DVL1: variants seen among roughly 807,000 people sequenced by gnomAD.
The protein encoded by DVL1 is segment polarity protein dishevelled homolog DVL-1.
DVL1 carries 49 observed loss-of-function variants against 65.0 expected under a neutral mutation model. The observed-to-expected ratio is 0.75, with a 90% CI of 0.60 to 0.96. DVL1 has a LOEUF of 0.96. DVL1 is among the 40% of genes least tolerant of loss of function. DVL1 has a pLI of 0.00. For missense variants in DVL1, 1,197 were observed against 1,045.4 expected (o/e 1.15, Z -2.00); for synonymous variants, 608 against 433.9 (o/e 1.40, Z -4.99).
chr1:1,337,907 G>A (rs1292154337), intron 14 of DVL1, 70 bp downstream of exon 14: 7 of 1,257,546 alleles, frequency 5.6e-6, no homozygotes, highest in Middle Eastern at 2.5e-4. Flanking sequence ...AACTGGGGGC[G>A]GAGCAGCAGT....
chr1:1,338,541 G>A lies in DVL1; in HGVS notation c.1320C>T (p.Thr440=), dbSNP rs144876679. 2 of 1,612,496 alleles carry A rather than the reference G, an allele frequency of 1.2e-6. No individual in the cohort carries two copies. Among genetic ancestry groups the A allele is most frequent in the African/African-American group, 1.3e-5 (1 of 74,926 alleles). The change falls in exon 12 of 15, where the codon ACC becomes ACT. Residue 440 remains threonine (T), a synonymous_variant. Transcript: ENST00000378888. ...ACTCACCGATGACGGCATTGGCGATGGTGATCTTGAGCCACATGCGGTCGC... is the reference window on the plus strand; with the variant it reads ...ACTCACCGATGACGGCATTGGCGATAGTGATCTTGAGCCACATGCGGTCGC... ...EIRDRMWLKI[T]IANAVIGADV...
intron 4 of DVL1, 74 bp downstream of exon 4, chr1:1,341,979 T>A: frequency 6.8e-7 from 1 of 1,469,412 alleles, no homozygotes; most frequent in East Asian, 2.5e-5. Context: ...CAGGAACTGC[T>A]GTAGTAGGAA....
rs766134166 is a variant in DVL1 at position 1,341,565 on chromosome 1, C to G, written c.605+102G>C. Reference sequence around the variant, plus strand: ...GCACACACATGCACACACACGCACACACGTGCAATGTGAAAACACCTCATG... The same window carrying G: ...GCACACACATGCACACACACGCACAGACGTGCAATGTGAAAACACCTCATG... On this transcript the variant is annotated intron_variant, in intron 5 of 14. Coordinates refer to ENST00000378888, the MANE Select transcript of DVL1 (RefSeq NM_001330311.2). 664 of 1,409,872 alleles carry G rather than the reference C, an allele frequency of 4.7e-4. 2 individuals carry two copies. Among genetic ancestry groups the G allele is most frequent in the Non-Finnish European group, 6.2e-4 (652 of 1,044,190 alleles). The allele number at this position is 1,409,872 out of a possible 1,614,324, so 87.3% of individuals were successfully genotyped here. A position where few individuals can be genotyped will look rare whatever the true frequency, so the allele number is the denominator to read the frequency against.
rs1256071019 is a variant in DVL1 at position 1,338,063 on chromosome 1, G to A, written c.1628C>T (p.Pro543Leu). The A allele has an allele frequency of 1.8e-5, 29 of 1,611,000 alleles. No homozygotes were observed. Among genetic ancestry groups the A allele is most frequent in the Middle Eastern group, 1.7e-4 (1 of 6,010 alleles). Residue 543 changes from proline to leucine, a missense_variant, in exon 14 of 15, where the codon CCG (proline) becomes CTG (leucine). By Grantham distance (98) the Pro-to-Leu change is moderately conservative. Transcript: ENST00000378888. ...PLGQGYPYQY[P>L]GPPPCFPPAY... ...AGGCGGGAAGCAGGGTGGGGGTCCCGGGTACTGGTAGGGGTAGCCCTGACC... is the reference window on the plus strand; with the variant it reads ...AGGCGGGAAGCAGGGTGGGGGTCCCAGGTACTGGTAGGGGTAGCCCTGACC...
intron 10 of DVL1, 44 bp downstream of exon 10, chr1:1,339,538 C>A: frequency 6.4e-7 from 1 of 1,566,782 alleles, no homozygotes; most frequent in Non-Finnish European, 8.6e-7. Flanking sequence ...GCTAGGTAGG[C>A]GCCCCCTCCC....
chr1:1,342,790 T>TG lies in DVL1; in HGVS notation c.171-33dup, dbSNP rs368982471. The stretch of plus-strand genomic sequence containing the variant: ...GCATATGCTGCCGTGAGGCCCCACC[T>TG]GGGGGGCCCAACCCTGCGGTTCTAG... On this transcript the variant is annotated intron_variant, in intron 1 of 14. Coordinates refer to ENST00000378888, the MANE Select transcript of DVL1 (RefSeq NM_001330311.2). 3.7e-6 allele frequency: 6 copies of TG among 1,607,290 alleles called. No individual in the cohort carries two copies. In the African/African-American group the frequency reaches 5.3e-5, roughly 14 times the overall value.
At chr1:1,341,192 C>T (rs1193316671) in intron 5 of DVL1, among the ~76,000 whole-genome samples, 3 of 151,268 alleles carry the variant, frequency 2.0e-5, no homozygotes, top group African/African-American at 7.3e-5. Context: ...CGCACATCTG[C>T]ACACGCACAC....
intron 5 of DVL1, among the ~76,000 whole-genome samples, chr1:1,341,288 C>G (rs147339132): frequency 6.6e-6 from 1 of 151,728 alleles, no homozygotes; most frequent in Non-Finnish European, 1.5e-5. Context: ...TGAAAACGCA[C>G]CTCACACACA....
rs1284652700 is a variant in DVL1 at position 1,339,663 on chromosome 1, G to C, written c.987-14C>G. On this transcript the variant is annotated splice_polypyrimidine_tract_variant and intron_variant, in intron 9 of 14. Transcript: ENST00000378888. The stretch of plus-strand genomic sequence containing the variant: ...AGGCTGATGGGCCTGCAGGAACGGT[G>C]GTCACACAGCAAGGCCCCCATGGTC... 6.2e-7 allele frequency: 1 copy of C among 1,611,734 alleles called. No homozygotes were observed. The highest frequency in any genetic ancestry group is 1.7e-5 in the Admixed American group (1 of 59,940).
intron 11 of DVL1, 70 bp downstream of exon 11, chr1:1,339,217 G>A: frequency 1.3e-6 from 2 of 1,529,924 alleles, no homozygotes; most frequent in Non-Finnish European, 1.8e-6. Flanking sequence ...AGGCGGCCAT[G>A]CTGGAGGCTG....
At chr1:1,341,141 GCA>G (rs1431404993) in intron 5 of DVL1, among the ~76,000 whole-genome samples, 1 of 139,960 alleles carries the variant, frequency 7.1e-6, no homozygotes, top group East Asian at 2.2e-4. Context: ...ACACCTGCAC[GCA>G]CACCTTCACA....
intron 14 of DVL1, chr1:1,336,904 G>A: frequency 1.3e-6 from 1 of 799,402 alleles, no homozygotes; most frequent in South Asian, 5.4e-5. Flanking sequence ...CCAGGACCCT[G>A]GCCGACGGAT....
At chr1:1,339,964 A>T in intron 8 of DVL1, 74 bp downstream of exon 8, 1 of 1,515,414 alleles carries the variant, frequency 6.6e-7, no homozygotes. Context: ...ACCCACCCGC[A>T]GCCGCACGTC....
At chr1:1,340,571 C>G in intron 5 of DVL1, 68 bp from the exon 6 acceptor site, 8 of 1,491,536 alleles carry the variant, frequency 5.4e-6, no homozygotes, top group Non-Finnish European at 7.3e-6. Flanking sequence ...CCCGCTCCCC[C>G]AATACTGAGT....
chr1:1,342,197 C>T, intron 3 of DVL1, 41 bp from the exon 4 acceptor site: 1 of 1,523,902 alleles, frequency 6.6e-7, no homozygotes, highest in Non-Finnish European at 8.8e-7. Flanking sequence ...GCCGTGGCCC[C>T]AGCCCCTCAG....
At chr1:1,343,267 C>T (rs574483420) in intron 1 of DVL1, among the ~76,000 whole-genome samples, 26 of 151,698 alleles carry the variant, frequency 1.7e-4, no homozygotes, top group Non-Finnish European at 8.8e-5. Flanking sequence ...GCCCCCCCCC[C>T]CCAGGGCTTC....
chr1:1,349,018 C>T lies in DVL1; in HGVS notation c.48G>A (p.Pro16=). ...IIYHMDEEET[P]YLVKLPVAPE... ...GGGCCACGGGCAGCTTGACCAGGTA[C>T]GGCGTCTCCTCCTCGTCCATGTGGT... The change falls in exon 1 of 15, where the codon CCG becomes CCA. Residue 16 remains proline, a synonymous_variant. Transcript: ENST00000378888. This position sits in a 1 kb window ranked among gnomAD's most constrained non-coding sequence, Gnocchi z 4.1. 7 of 1,569,160 alleles carry T rather than the reference C, an allele frequency of 4.5e-6. No homozygotes were observed. The highest frequency in any genetic ancestry group is 6.1e-6 in the Non-Finnish European group (7 of 1,155,054).
chr1:1,338,629 A>ACCGTCAGCGGCG lies in DVL1; in HGVS notation c.1220_1231dup (p.Ala407_Thr410dup), dbSNP rs1553173671. 6.2e-7 allele frequency: 1 copy of ACCGTCAGCGGCG among 1,611,014 alleles called. No homozygotes were observed. The highest frequency in any genetic ancestry group is 8.5e-7 in the Non-Finnish European group (1 of 1,179,800). On this transcript the variant is annotated inframe_insertion, in exon 12 of 15. Transcript: ENST00000378888. ...GACGACGGCGCTCATGTCACTCTTC[A>ACCGTCAGCGGCG]CCGTCAGCGGCGCCTCTTCCAGCTC... is the stretch of plus-strand genomic sequence containing the variant.
At chr1:1,336,960 T>C (rs1055117420) in intron 14 of DVL1, 6 of 978,960 alleles carry the variant, frequency 6.1e-6, no homozygotes, top group African/African-American at 1.8e-5. Flanking sequence ...CAGTGGGAGC[T>C]GGAGGGCGTG....
Sources: allele counts gnomAD v4.1 joint callset (sites outside exome capture counted in the v4.1 genomes callset), GRCh38; gene constraint gnomAD v4.1.1; non-coding constraint Gnocchi (gnomAD v3.1); transcripts MANE v1.5; gene names NCBI Gene and HGNC (gene_info 2026-07-23, HGNC 2026-07-21).